HECW2: variants seen among roughly 807,000 people sequenced by gnomAD.
HECW2 encodes the protein HECT, C2 and WW domain containing E3 ubiquitin protein ligase 2.
HECW2 carries 61 observed loss-of-function variants against 175.2 expected under a neutral mutation model. The ratio of observed to expected loss-of-function variants is 0.35; its 90% CI spans 0.28 to 0.43. HECW2 has a LOEUF of 0.43. Ranked by LOEUF, HECW2 falls within the 20% of genes least tolerant of loss-of-function variation. HECW2 has a pLI of 1.00. For missense variants in HECW2, 1,524 were observed against 2,000.5 expected (o/e 0.76, Z 4.54); for synonymous variants, 671 against 731.0 (o/e 0.92, Z 1.32).
chr2:196,255,426 G>A (rs951366195), intron 18 of HECW2, among the ~76,000 whole-genome samples: 10 of 151,958 alleles, frequency 6.6e-5, no homozygotes, highest in African/African-American at 2.4e-4. Context: ...TTTCTTGTAT[G>A]AGCTCTGATA....
At chr2:196,230,499 C>T in intron 21 of HECW2, among the ~76,000 whole-genome samples, 1 of 152,166 alleles carries the variant, frequency 6.6e-6, no homozygotes, top group East Asian at 1.9e-4. Flanking sequence ...CCTTCTCTCC[C>T]TTTCCCACTC....
chr2:196,501,874 C>T (rs1687589221), intron 1 of HECW2, among the ~76,000 whole-genome samples: 1 of 152,102 alleles, frequency 6.6e-6, no homozygotes, highest in Non-Finnish European at 1.5e-5. Flanking sequence ...TAAATAAAAG[C>T]AGTATATAAT....
chr2:196,253,963 C>T lies in HECW2; in HGVS notation c.3486G>A (p.Gln1162=), dbSNP rs1280905333. 2 of 1,614,088 alleles carry T rather than the reference C, an allele frequency of 1.2e-6. No homozygotes were observed. Among genetic ancestry groups the T allele is most frequent in the East Asian group, 2.2e-5 (1 of 44,876 alleles). ...PHALLHPSYC[Q]SPRGSPVSSP... ...ATGACACGGGAGAGCCACGTGGGGA[C>T]TGACAGTAGCTGGGGTGGAGTAAGG... is the stretch of plus-strand genomic sequence containing the variant. Residue 1162 remains glutamine (Q), a synonymous_variant, in exon 19 of 29, where the codon CAG becomes CAA. Coordinates refer to ENST00000644978, the MANE Select transcript of HECW2 (RefSeq NM_001348768.2).
intron 10 of HECW2, chr2:196,315,693 C>T (rs1691669147): frequency 6.6e-6 from 1 of 152,028 alleles, no homozygotes; most frequent in African/African-American, 2.4e-5. Context: ...ATGCAAACAC[C>T]AATATTTAAA....
At chr2:196,341,366 T>C (rs1692745436) in intron 3 of HECW2, among the ~76,000 whole-genome samples, 1 of 148,698 alleles carries the variant, frequency 6.7e-6, no homozygotes, top group Non-Finnish European at 1.5e-5. Flanking sequence ...ATCAGCCTTT[T>C]AAACACCAGG....
chr2:196,401,663 C>T (rs928180673), intron 2 of HECW2, among the ~76,000 whole-genome samples: 13 of 152,134 alleles, frequency 8.5e-5, no homozygotes, highest in African/African-American at 2.9e-4. Context: ...GGAGTGAATA[C>T]ACAGTCAGGG....
At chr2:196,572,258 C>T (rs1017473408) in intron 1 of HECW2, among the ~76,000 whole-genome samples, 1 of 152,168 alleles carries the variant, frequency 6.6e-6, no homozygotes, top group African/African-American at 2.4e-5. Flanking sequence ...TCTCGGCTCA[C>T]TGTAACCTCC....
rs10210638 is a variant in HECW2 at position 196,331,483 on chromosome 2, G to A, written c.496-1833C>T. Among the ~76,000 whole-genome samples, 912 of 152,222 alleles carry A rather than the reference G, an allele frequency of 6.0e-3. 10 individuals carry two copies. Among genetic ancestry groups the A allele is most frequent in the African/African-American group, 0.02 (850 of 41,516 alleles). ...CGGCCTCTCTGCAAATGGGCCACAC[G>A]CCCCAGTAAGATGTGCCACCCCTCA... On this transcript the variant is annotated intron_variant, in intron 4 of 28. Transcript: ENST00000644978.
intron 18 of HECW2, among the ~76,000 whole-genome samples, chr2:196,256,678 T>C (rs1689067907): frequency 6.6e-6 from 1 of 152,130 alleles, no homozygotes; most frequent in South Asian, 2.1e-4. Flanking sequence ...AACTATTTTA[T>C]CACCAACCAA....
intron 15 of HECW2, among the ~76,000 whole-genome samples, chr2:196,276,279 A>ACTCAGTCTG (rs368016575): frequency 8.3e-4 from 126 of 152,160 alleles, no homozygotes; most frequent in African/African-American, 2.8e-3. Context: ...AGGGCTGGAC[A>ACTCAGTCTG]CTCAGTCTGT....
rs1449524717 is a variant in HECW2, at chr2:196,196,394, T to G, written c.*4883A>C. 1.3e-5 allele frequency: 2 copies of G among 152,224 alleles called. No homozygotes were observed. The highest frequency in any genetic ancestry group is 2.9e-5 in the Non-Finnish European group (2 of 68,040). 9.4% of individuals were successfully genotyped at this position (152,224 alleles called of 1,614,324 possible). A position where few individuals can be genotyped will look rare whatever the true frequency, so the allele number is the denominator to read the frequency against. On this transcript the variant is annotated 3_prime_UTR_variant, in exon 29 of 29. Coordinates refer to ENST00000644978, the MANE Select transcript of HECW2 (RefSeq NM_001348768.2). ...AAATGAATGGGAAAGAAACTAAGTT[T>G]TTGAAAATTAGAGTCTAAAAGTGAC...
At position 196,196,061 on chromosome 2, in the gene HECW2, A is replaced by C. The variant is rs1333114887; in HGVS notation, c.*5216T>G. ...GTTGTTTTAACTTTCCCTCCACTAC[A>C]CTCCTGTCCTAACCATCCTTTCGCT... On this transcript the variant is annotated 3_prime_UTR_variant, in exon 29 of 29. Coordinates refer to ENST00000644978, the MANE Select transcript of HECW2 (RefSeq NM_001348768.2). 6.6e-6 allele frequency: 1 copy of C among 151,778 alleles called. No individual in the cohort carries two copies. The highest frequency in any genetic ancestry group is 2.4e-5 in the African/African-American group (1 of 41,240). The allele number at this position is 151,778 out of a possible 1,614,324, so 9.4% of individuals were successfully genotyped here.
At chr2:196,261,947 GAA>G (rs1359080506) in intron 17 of HECW2, among the ~76,000 whole-genome samples, 3 of 152,304 alleles carry the variant, frequency 2.0e-5, no homozygotes, top group Admixed American at 2.0e-4. Flanking sequence ...ACAAGTTTGA[GAA>G]ATGTTGTTAA....
intron 1 of HECW2, among the ~76,000 whole-genome samples, chr2:196,475,257 C>T (rs78076670): frequency 1.1e-4 from 17 of 151,700 alleles, no homozygotes; most frequent in African/African-American, 4.1e-4. Context: ...ATCTAATCAC[C>T]ATTTATGCTA....
chr2:196,364,123 A>G (rs949686000), intron 2 of HECW2, among the ~76,000 whole-genome samples: 3 of 152,194 alleles, frequency 2.0e-5, no homozygotes, highest in Non-Finnish European at 4.4e-5. Flanking sequence ...TGAGGCTCCT[A>G]TAACTCTGGT....
At chr2:196,464,402 T>C (rs1696866222) in intron 1 of HECW2, among the ~76,000 whole-genome samples, 2 of 152,218 alleles carry the variant, frequency 1.3e-5, no homozygotes, top group Non-Finnish European at 1.5e-5. Context: ...GTTTTACTAA[T>C]CATGAAGATG....
intron 1 of HECW2, among the ~76,000 whole-genome samples, chr2:196,587,319 T>C (rs1048275126): frequency 6.6e-6 from 1 of 152,224 alleles, no homozygotes; most frequent in Non-Finnish European, 1.5e-5. Context: ...ACGGATTCAT[T>C]TGGTCCTAAT....
intron 1 of HECW2, among the ~76,000 whole-genome samples, chr2:196,488,202 C>T (rs1281673218): frequency 2.6e-5 from 4 of 152,164 alleles, no homozygotes; most frequent in Non-Finnish European, 5.9e-5. Flanking sequence ...TTCTCAAAGG[C>T]GTATGGTAGG....
At chr2:196,237,292 C>G (rs1261722554) in intron 21 of HECW2, among the ~76,000 whole-genome samples, 1 of 152,160 alleles carries the variant, frequency 6.6e-6, no homozygotes, top group Non-Finnish European at 1.5e-5. Context: ...TGCACCATCA[C>G]CTGAGCAGTG....
Sources: gnomAD v4.1 joint callset for allele counts (sites outside exome capture counted in the v4.1 genomes callset) on GRCh38, gnomAD v4.1.1 for gene constraint, MANE v1.5 for transcripts, NCBI Gene and HGNC (gene_info 2026-07-23, HGNC 2026-07-21) for gene names.